AKIRIN2: variants seen among roughly 807,000 people sequenced by gnomAD.
AKIRIN2 encodes the protein akirin 2.
A neutral mutation model predicts 29.3 loss-of-function variants in AKIRIN2; 6 were observed. The observed-to-expected ratio is 0.20, with a 90% confidence interval of 0.11 to 0.40. The LOEUF (loss-of-function observed/expected upper bound fraction) is 0.40. AKIRIN2 is among the 10% of genes least tolerant of loss of function. AKIRIN2 has a pLI of 1.00. For synonymous variants in AKIRIN2, 128 were observed against 117.5 expected, an observed-to-expected ratio of 1.09 and a Z score of -0.58; for missense variants, 210 against 276.1, an observed-to-expected ratio of 0.76 and a Z score of 1.70.
chr6:87,701,495 T>C lies in AKIRIN2; in HGVS notation c.190A>G (p.Met64Val). ...ACGTCGCCGAAGGGGGATGGCTCCA[T>C]TCGGAGATACTTCTGCGGCGAGGCG... ...AAASPQKYLR[M>V]EPSPFGDVSS... Residue 64 changes from methionine (M) to valine (V), a missense_variant, in exon 1 of 5, where the codon ATG becomes GTG. Coordinates refer to ENST00000257787, the MANE Select transcript of AKIRIN2 (RefSeq NM_018064.4). 1 of 1,491,136 alleles carries C rather than the reference T, an allele frequency of 6.7e-7. No homozygotes were observed. The highest frequency in any genetic ancestry group is 8.9e-7 in the Non-Finnish European group (1 of 1,125,750). The allele number at this position is 1,491,136 out of a possible 1,614,324, so 92.4% of individuals were successfully genotyped here. A position where few individuals can be genotyped will look rare whatever the true frequency, so the allele number is the denominator to read the frequency against.
intron 1 of AKIRIN2, among the ~76,000 whole-genome samples, chr6:87,686,413 CA>C (rs1242202276): frequency 6.6e-6 from 1 of 151,810 alleles, no homozygotes; most frequent in Non-Finnish European, 1.5e-5. Flanking sequence ...AAGGGAAGAA[CA>C]TGGAATTAGA....
intron 1 of AKIRIN2, among the ~76,000 whole-genome samples, chr6:87,686,073 G>C (rs1340636156): frequency 6.6e-6 from 1 of 152,058 alleles, no homozygotes; most frequent in East Asian, 1.9e-4. Context: ...AAATGAGCTG[G>C]GTGTGGTGGC....
chr6:87,701,723 G>C lies in AKIRIN2; in HGVS notation c.-39C>G, dbSNP rs1771469985. On this transcript the variant is annotated 5_prime_UTR_variant, in exon 1 of 5. Coordinates refer to ENST00000257787, the MANE Select transcript of AKIRIN2 (RefSeq NM_018064.4). ...TGAGGCGCCGGGCTCGGGTGGGGTC[G>C]GGGACGGGTGACGAAAGAAGAGGGT... 3 of 1,366,370 alleles carry C rather than the reference G, an allele frequency of 2.2e-6. No individual in the cohort carries two copies. Among genetic ancestry groups the C allele is most frequent in the Non-Finnish European group, 2.9e-6 (3 of 1,042,346 alleles). 84.6% of individuals were successfully genotyped at this position (1,366,370 alleles called of 1,614,324 possible).
intron 3 of AKIRIN2, among the ~76,000 whole-genome samples, chr6:87,677,106 A>G (rs112762452): frequency 0.012 from 1,866 of 152,134 alleles, 40 homozygotes; most frequent in African/African-American, 0.041. Context: ...AATTAAAAAC[A>G]AAGGACTTTC....
In AKIRIN2 at chr6:87,701,487, T is replaced by C; in HGVS notation, c.198A>G (p.Pro66=). The C allele has an allele frequency of 6.6e-7, 1 of 1,504,928 alleles. No individual in the cohort carries two copies. Among genetic ancestry groups the C allele is most frequent in the Non-Finnish European group, 8.8e-7 (1 of 1,131,802 alleles). 93.2% of individuals were successfully genotyped at this position (1,504,928 alleles called of 1,614,324 possible). A position where few individuals can be genotyped will look rare whatever the true frequency, so the allele number is the denominator to read the frequency against. ...GGGAGGAGACGTCGCCGAAGGGGGA[T>C]GGCTCCATTCGGAGATACTTCTGCG... is the stretch of plus-strand genomic sequence containing the variant. ...ASPQKYLRME[P]SPFGDVSSRL... is the part of the protein sequence containing the mutation. The change falls in exon 1 of 5, where the codon CCA becomes CCG. Residue 66 remains proline, a synonymous_variant. Transcript: ENST00000257787.
chr6:87,692,738 G>A (rs181630812), intron 1 of AKIRIN2, among the ~76,000 whole-genome samples: 58 of 152,324 alleles, frequency 3.8e-4, no homozygotes, highest in Admixed American at 6.5e-4. Context: ...CTTGAACCCA[G>A]GAGGCAGATT....
rs756917731 is a variant in AKIRIN2, at chr6:87,701,153, A to T, written c.235+297T>A. Among the ~76,000 whole-genome samples the T allele has an allele frequency of 6.1e-4, 93 of 152,012 alleles. 1 individual carries two copies. The highest frequency in any genetic ancestry group is 1.1e-3 in the Non-Finnish European group (78 of 67,946). On this transcript the variant is annotated intron_variant, in intron 1 of 4. Coordinates refer to ENST00000257787, the MANE Select transcript of AKIRIN2 (RefSeq NM_018064.4). ...TCCGCTGGGGCTCCAGCGACTACGG[A>T]AACAATTCCAATCATTCGGCCCAAA... is the stretch of plus-strand genomic sequence containing the variant.
chr6:87,700,136 A>C (rs1771435440), intron 1 of AKIRIN2, among the ~76,000 whole-genome samples: 1 of 152,258 alleles, frequency 6.6e-6, no homozygotes, highest in East Asian at 1.9e-4. Context: ...TTTATCTAAG[A>C]ATTTCCGTAA....
chr6:87,694,489 C>G (rs1026995122), intron 1 of AKIRIN2, among the ~76,000 whole-genome samples: 3 of 152,138 alleles, frequency 2.0e-5, no homozygotes, highest in African/African-American at 7.2e-5. Flanking sequence ...AGTGCAGTAT[C>G]TAGAACTCAA....
intron 3 of AKIRIN2, 124 bp from the exon 4 acceptor site, chr6:87,676,055 A>G: frequency 1.4e-6 from 1 of 702,984 alleles, no homozygotes; most frequent in Non-Finnish European, 2.4e-6. Flanking sequence ...TAACCTCAGT[A>G]GTACTAATAG....
At chr6:87,693,724 CA>C (rs34150167) in intron 1 of AKIRIN2, among the ~76,000 whole-genome samples, 166 of 101,152 alleles carry the variant, frequency 1.6e-3, no homozygotes, top group Admixed American at 1.3e-3. Flanking sequence ...GACTCTGTCT[CA>C]AAAAAAAAAA....
chr6:87,677,486 A>G (rs954496585), intron 3 of AKIRIN2, among the ~76,000 whole-genome samples: 1 of 152,210 alleles, frequency 6.6e-6, no homozygotes, highest in Non-Finnish European at 1.5e-5. Context: ...AGCCAATTAG[A>G]TATTTTAAAT....
At position 87,702,163 on chromosome 6, in the gene AKIRIN2, T is replaced by C. The variant is rs527452655; in HGVS notation, c.-479A>G. The C allele has an allele frequency of 3.4e-4, 136 of 398,538 alleles. No homozygotes were observed. Among genetic ancestry groups the C allele is most frequent in the African/African-American group, 2.7e-3 (130 of 48,758 alleles). The allele number at this position is 398,538 out of a possible 1,614,324, so 24.7% of individuals were successfully genotyped here. A position where few individuals can be genotyped will look rare whatever the true frequency, so the allele number is the denominator to read the frequency against. The stretch of plus-strand genomic sequence containing the variant: ...GCGAGCGGCGATCGATGCAGAGAGA[T>C]TGCGAGGTAGCTGCCGCAGCAGGAA... On this transcript the variant is annotated 5_prime_UTR_variant, in exon 1 of 5. Coordinates refer to ENST00000257787, the MANE Select transcript of AKIRIN2 (RefSeq NM_018064.4).
chr6:87,700,346 C>T (rs1771440396), intron 1 of AKIRIN2, among the ~76,000 whole-genome samples: 1 of 151,232 alleles, frequency 6.6e-6, no homozygotes. Context: ...TTTTAAGCTA[C>T]TGATAACGAG....
At chr6:87,694,088 TAAAC>T (rs974123684) in intron 1 of AKIRIN2, among the ~76,000 whole-genome samples, 2 of 152,116 alleles carry the variant, frequency 1.3e-5, no homozygotes, top group African/African-American at 2.4e-5. Flanking sequence ...TCAACAAAAA[TAAAC>T]AAAAGAAAAA....
At chr6:87,687,282 C>T (rs773090384) in intron 1 of AKIRIN2, among the ~76,000 whole-genome samples, 1 of 149,866 alleles carries the variant, frequency 6.7e-6, no homozygotes, top group African/African-American at 2.5e-5. Flanking sequence ...GTGGCTCACA[C>T]CTGTAATCCC....
chr6:87,701,255 T>A (rs1263814044), intron 1 of AKIRIN2, among the ~76,000 whole-genome samples, 195 bp downstream of exon 1: 11 of 151,990 alleles, frequency 7.2e-5, no homozygotes, highest in Non-Finnish European at 2.9e-5. Flanking sequence ...CCCCTTGACA[T>A]CAGCCCATTT....
intron 1 of AKIRIN2, among the ~76,000 whole-genome samples, chr6:87,698,776 T>A (rs889217848): frequency 6.6e-6 from 1 of 152,190 alleles, no homozygotes; most frequent in African/African-American, 2.4e-5. Flanking sequence ...TTGCAACAGT[T>A]TGAAAAATAT....
chr6:87,697,853 A>G (rs1771396670), intron 1 of AKIRIN2, among the ~76,000 whole-genome samples: 1 of 152,280 alleles, frequency 6.6e-6, no homozygotes, highest in East Asian at 1.9e-4. Context: ...ACCAAGCCAT[A>G]AACAATGTGA....
Sources: gnomAD v4.1 joint callset for allele counts (sites outside exome capture counted in the v4.1 genomes callset) on GRCh38, gnomAD v4.1.1 for gene constraint, MANE v1.5 for transcripts, NCBI Gene and HGNC (gene_info 2026-07-23, HGNC 2026-07-21) for gene names.